HAVCR2: variants seen among roughly 807,000 people sequenced by gnomAD.
HAVCR2 encodes hepatitis A virus cellular receptor 2.
In HAVCR2, 13 loss-of-function variants were observed where a neutral mutation model predicts 24.7. That is an observed-to-expected ratio of 0.53 (90% CI 0.34 to 0.84). HAVCR2 has a LOEUF of 0.84. HAVCR2 is among the 40% of genes least tolerant of loss of function. The pLI is 0.01. For synonymous variants in HAVCR2, 154 were observed against 143.4 expected, an observed-to-expected ratio of 1.07 and a Z score of -0.53; for missense variants, 343 against 371.2, an observed-to-expected ratio of 0.92 and a Z score of 0.62.
At chr5:157,103,641 C>G (rs1757203011) in intron 3 of HAVCR2, among the ~76,000 whole-genome samples, 1 of 152,114 alleles carries the variant, frequency 6.6e-6, no homozygotes, top group South Asian at 2.1e-4. Context: ...TAATAATAAA[C>G]AGTTGAGTGC....
Position 157,086,900 on chromosome 5 carries a change from T to A in HAVCR2, c.*202A>T. 1 of 537,392 alleles carries A rather than the reference T, an allele frequency of 1.9e-6. No individual in the cohort carries two copies. Among genetic ancestry groups the A allele is most frequent in the Non-Finnish European group, 3.2e-6 (1 of 309,400 alleles). 33.3% of individuals were successfully genotyped at this position (537,392 alleles called of 1,614,324 possible). A position where few individuals can be genotyped will look rare whatever the true frequency, so the allele number is the denominator to read the frequency against. Reference sequence around the variant, plus strand: ...ACAGTCTCTGGGTTGGGTAACTCTGTTGGCTTAAATACAGAGGCAATGACA... The same window carrying A: ...ACAGTCTCTGGGTTGGGTAACTCTGATGGCTTAAATACAGAGGCAATGACA... On this transcript the variant is annotated 3_prime_UTR_variant, in exon 7 of 7. Coordinates refer to ENST00000307851, the MANE Select transcript of HAVCR2 (RefSeq NM_032782.5).
intron 6 of HAVCR2, among the ~76,000 whole-genome samples, 158 bp downstream of exon 6, chr5:157,088,783 T>C (rs922745572): frequency 1.1e-4 from 16 of 152,210 alleles, no homozygotes; most frequent in Non-Finnish European, 1.5e-4. Context: ...CAGTAGCATG[T>C]TACATTTTCA....
chr5:157,108,479 T>G (rs1025677730), intron 1 of HAVCR2, among the ~76,000 whole-genome samples: 4 of 150,042 alleles, frequency 2.7e-5, no homozygotes, highest in Non-Finnish European at 4.4e-5. Flanking sequence ...AGAGTGAGAC[T>G]CCATCTCAAT....
In HAVCR2 at chr5:157,106,920, G is replaced by A; in HGVS notation, c.101C>T (p.Ala34Val). The change falls in exon 2 of 7, where the codon GCC (alanine) becomes GTC (valine). Residue 34 changes from alanine (A) to valine (V), a missense_variant. By Grantham distance (64) the Ala-to-Val change is moderately conservative (BLOSUM62 0). Transcript: ENST00000307851. The stretch of plus-strand genomic sequence containing the variant: ...TGGGGTGTAGAAGCAGGGCAGATAG[G>A]CATTCTGACCGACCTCCGCTCTGTA... ...VEYRAEVGQN[A>V]YLPCFYTPAA... 6.2e-7 allele frequency: 1 copy of A among 1,614,186 alleles called. No homozygotes were observed. The highest frequency in any genetic ancestry group is 8.5e-7 in the Non-Finnish European group (1 of 1,180,010).
chr5:157,091,215 C>T (rs969009725), intron 5 of HAVCR2, among the ~76,000 whole-genome samples: 7 of 152,130 alleles, frequency 4.6e-5, no homozygotes, highest in Middle Eastern at 3.2e-3. Flanking sequence ...GAGGCCAAGG[C>T]GGGCAGATCA....
Position 157,089,953 on chromosome 5 carries a change from G to T in HAVCR2, c.677-976C>A, listed in dbSNP as rs180685684. ...AGAGATGTGATCCTTATTTGTTTTGGGTTTCTTTTACCCGCTGAAAACAAC... is the reference window on the plus strand; with the variant it reads ...AGAGATGTGATCCTTATTTGTTTTGTGTTTCTTTTACCCGCTGAAAACAAC... On this transcript the variant is annotated intron_variant, in intron 5 of 6. Coordinates refer to ENST00000307851, the MANE Select transcript of HAVCR2 (RefSeq NM_032782.5). 4.7e-3 allele frequency among the ~76,000 whole-genome samples: 718 copies of T among 151,940 alleles called. 2 individuals are homozygous for T. The highest frequency in any genetic ancestry group is 5.4e-3 in the Non-Finnish European group (369 of 67,976).
intron 5 of HAVCR2, 146 bp from the exon 6 acceptor site, chr5:157,089,123 C>T (rs926571864): frequency 9.2e-6 from 6 of 653,308 alleles, no homozygotes; most frequent in Non-Finnish European, 1.6e-5. Flanking sequence ...CAACGTGTGC[C>T]TTAGATAGTT....
chr5:157,108,210 C>T (rs562834203), intron 1 of HAVCR2, among the ~76,000 whole-genome samples: 3 of 152,092 alleles, frequency 2.0e-5, no homozygotes, highest in East Asian at 1.9e-4. Context: ...GCCGGGCACA[C>T]GGTGGGTCAC....
At chr5:157,098,930 A>G (rs1328925559) in intron 3 of HAVCR2, 29 bp from the exon 4 acceptor site, 1 of 1,544,294 alleles carries the variant, frequency 6.5e-7, no homozygotes, top group Non-Finnish European at 8.9e-7. Flanking sequence ...AGAGAGAGAG[A>G]GGAAAAATAG....
At chr5:157,097,318 G>GAT (rs1045714596) in intron 4 of HAVCR2, among the ~76,000 whole-genome samples, 2 of 147,072 alleles carry the variant, frequency 1.4e-5, no homozygotes, top group African/African-American at 5.1e-5. Flanking sequence ...GCAGGGGCAT[G>GAT]ATCACAGCTC....
At chr5:157,092,913 A>AAAAAAAAAAAAAAAAATAAAAT (rs1561619880) in intron 5 of HAVCR2, among the ~76,000 whole-genome samples, 1 of 122,972 alleles carries the variant, frequency 8.1e-6, no homozygotes, top group African/African-American at 3.1e-5. Context: ...AAAAAAAAAA[A>AAAAAAAAAAAAAAAAATAAAAT]AAAAACTAGC....
chr5:157,096,317 A>T (rs752273613), intron 4 of HAVCR2, among the ~76,000 whole-genome samples: 6 of 152,152 alleles, frequency 3.9e-5, no homozygotes, highest in Non-Finnish European at 7.3e-5. Flanking sequence ...AGTGAGAGAA[A>T]ATATAAAATG....
At chr5:157,107,158 A>G in intron 1 of HAVCR2, 196 bp from the exon 2 acceptor site, 1 of 560,316 alleles carries the variant, frequency 1.8e-6, no homozygotes, top group Non-Finnish European at 3.1e-6. Context: ...GAAAACACAG[A>G]TTGCTGGGCT....
rs952124686 is a variant in HAVCR2, at chr5:157,087,024, T to C, written c.*78A>G. The C allele has an allele frequency of 7.4e-7, 1 of 1,353,890 alleles. No homozygotes were observed. The highest frequency in any genetic ancestry group is 1.0e-6 in the Non-Finnish European group (1 of 963,976). The allele number at this position is 1,353,890 out of a possible 1,614,324, so 83.9% of individuals were successfully genotyped here. The stretch of plus-strand genomic sequence containing the variant: ...CTGCTCCATAGCAGTGGACAGAACC[T>C]CCAAAACCAGTCAGGTGACACAGCT... On this transcript the variant is annotated 3_prime_UTR_variant, in exon 7 of 7. Coordinates refer to ENST00000307851, the MANE Select transcript of HAVCR2 (RefSeq NM_032782.5).
intron 4 of HAVCR2, among the ~76,000 whole-genome samples, chr5:157,098,557 T>C (rs1224926148): frequency 1.3e-5 from 2 of 152,224 alleles, no homozygotes; most frequent in Non-Finnish European, 2.9e-5. Flanking sequence ...TCTTTGAACC[T>C]TCCACAGGGT....
chr5:157,094,217 G>A (rs755869994), intron 5 of HAVCR2, among the ~76,000 whole-genome samples: 16 of 151,146 alleles, frequency 1.1e-4, no homozygotes, highest in Non-Finnish European at 1.9e-4. Context: ...TTATTATTAC[G>A]TTGTAGAGGC....
Position 157,106,796 on chromosome 5 carries a change from C to T in HAVCR2, c.225G>A (p.Val75=). The change falls in exon 2 of 7, where the codon GTG becomes GTA. Residue 75 remains valine, a synonymous_variant. Transcript: ENST00000307851. ...NVVLRTDERD[V]NYWTSRYWLN... ...GCCAGTATCTGGATGTCCAATAATT[C>T]ACATCCCTTTCATCAGTCCTGAGCA... 1.9e-6 allele frequency: 3 copies of T among 1,614,194 alleles called. No homozygotes were observed. The highest frequency in any genetic ancestry group is 2.5e-6 in the Non-Finnish European group (3 of 1,180,030).
At position 157,098,263 on chromosome 5, in the gene HAVCR2, C is replaced by T. The variant is rs34335202; in HGVS notation, c.522+595G>A. Among the ~76,000 whole-genome samples the T allele has an allele frequency of 4.6e-3, 704 of 151,718 alleles. 1 individual carries two copies. Among genetic ancestry groups the T allele is most frequent in the Non-Finnish European group, 7.4e-3 (500 of 67,884 alleles). Reference sequence around the variant, plus strand: ...CTCTACTAAAAATAAAAAAATTAGCCGGGTGTGGTGGCTCATGCCTGTAAT... The same window carrying T: ...CTCTACTAAAAATAAAAAAATTAGCTGGGTGTGGTGGCTCATGCCTGTAAT... On this transcript the variant is annotated intron_variant, in intron 4 of 6. Coordinates refer to ENST00000307851, the MANE Select transcript of HAVCR2 (RefSeq NM_032782.5).
intron 4 of HAVCR2, among the ~76,000 whole-genome samples, chr5:157,097,153 G>C (rs1331757428): frequency 6.6e-6 from 1 of 151,904 alleles, no homozygotes; most frequent in Admixed American, 6.6e-5. Flanking sequence ...ATTGCAAAGA[G>C]AGAAGGAGCA....
Sources: gnomAD v4.1 joint callset for allele counts (sites outside exome capture counted in the v4.1 genomes callset) on GRCh38, gnomAD v4.1.1 for gene constraint, MANE v1.5 for transcripts, NCBI Gene and HGNC (gene_info 2026-07-23, HGNC 2026-07-21) for gene names.